RIMS2: variants seen among roughly 807,000 people sequenced by gnomAD.
RIMS2 encodes regulating synaptic membrane exocytosis 2, also known as regulating synaptic membrane exocytosis protein 2.
RIMS2 carries 59 observed loss-of-function variants against 174.4 expected under a neutral mutation model. That is an observed-to-expected ratio of 0.34 (90% confidence interval 0.27 to 0.42). The LOEUF is 0.42. Among genes scored for constraint, RIMS2 ranks in the 10% least tolerant of loss-of-function variants. The probability of loss-of-function intolerance (pLI) is 1.00; values close to 1 mark genes in which losing one functional copy is unlikely to be tolerated. For missense variants in RIMS2, 1,620 were observed against 1,666.3 expected, an observed-to-expected ratio of 0.97 and a Z score of 0.48; for synonymous variants, 606 against 572.5, an observed-to-expected ratio of 1.06 and a Z score of -0.84.
intron 19 of RIMS2, among the ~76,000 whole-genome samples, chr8:104,027,173 C>T (rs940210706): frequency 3.3e-5 from 5 of 151,994 alleles, no homozygotes; most frequent in East Asian, 1.9e-4. Context: ...TTCAGTCATC[C>T]GGTATTTGAT....
intron 1 of RIMS2, among the ~76,000 whole-genome samples, chr8:103,580,413 A>G (rs967978553): frequency 5.3e-5 from 8 of 149,704 alleles, no homozygotes; most frequent in African/African-American, 2.0e-4. Context: ...ACTACAAATC[A>G]AAGACTGTAA....
chr8:103,899,846 G>A (rs991638107), intron 4 of RIMS2, among the ~76,000 whole-genome samples: 1 of 151,676 alleles, frequency 6.6e-6, no homozygotes, highest in African/African-American at 2.4e-5. Context: ...GGTTTTTATG[G>A]TTTTAGGTCT....
chr8:103,913,532 T>C (rs751965838), intron 6 of RIMS2, among the ~76,000 whole-genome samples: 2 of 152,158 alleles, frequency 1.3e-5, no homozygotes, highest in Non-Finnish European at 2.9e-5. Flanking sequence ...TAGGTAGAAT[T>C]GGGCTGTGTA....
intron 1 of RIMS2, among the ~76,000 whole-genome samples, chr8:103,658,036 A>G (rs1165424278): frequency 6.6e-6 from 1 of 152,186 alleles, no homozygotes; most frequent in East Asian, 1.9e-4. Context: ...AGTTGCTTCT[A>G]CTGTAACTGC....
chr8:103,932,990 C>T (rs1164257070), intron 12 of RIMS2, among the ~76,000 whole-genome samples: 4 of 151,190 alleles, frequency 2.6e-5, no homozygotes, highest in African/African-American at 9.7e-5. Context: ...AACACTGTCT[C>T]TACTAAAAAT....
intron 3 of RIMS2, chr8:103,819,362 C>T: frequency 3.9e-6 from 6 of 1,530,814 alleles, no homozygotes; most frequent in Non-Finnish European, 5.2e-6. Flanking sequence ...CTATCAACCT[C>T]TGTTCATTTA....
intron 14 of RIMS2, among the ~76,000 whole-genome samples, chr8:103,958,300 G>T (rs2088329403): frequency 6.6e-6 from 1 of 152,098 alleles, no homozygotes; most frequent in Admixed American, 6.5e-5. Flanking sequence ...AACTAATGCA[G>T]GAACAGAAGA....
At chr8:103,937,592 G>A (rs940798280) in intron 13 of RIMS2, among the ~76,000 whole-genome samples, 2 of 152,144 alleles carry the variant, frequency 1.3e-5, no homozygotes, top group Non-Finnish European at 2.9e-5. Context: ...AATGCAATAG[G>A]AATACGTAAT....
At chr8:104,199,075 A>ATTTTG (rs2099040421) in intron 19 of RIMS2, among the ~76,000 whole-genome samples, 4 of 128,740 alleles carry the variant, frequency 3.1e-5, no homozygotes, top group Non-Finnish European at 6.6e-5. Context: ...ATTTTATTTT[A>ATTTTG]TTTTGAGACG....
chr8:104,230,750 G>A (rs1322231749), intron 19 of RIMS2, among the ~76,000 whole-genome samples: 4 of 152,160 alleles, frequency 2.6e-5, no homozygotes, highest in African/African-American at 7.2e-5. Context: ...GAAGTCGGAC[G>A]GGAATAAAAC....
intron 1 of RIMS2, among the ~76,000 whole-genome samples, chr8:103,612,683 A>G (rs2095410905): frequency 6.6e-6 from 1 of 151,918 alleles, no homozygotes; most frequent in Admixed American, 6.6e-5. Context: ...GGTTCAAGCA[A>G]TTTTCCTGCC....
intron 1 of RIMS2, among the ~76,000 whole-genome samples, chr8:103,569,826 A>G (rs1038179395): frequency 5.6e-5 from 8 of 143,998 alleles, no homozygotes; most frequent in Non-Finnish European, 9.1e-5. Context: ...GGGTCTTGCT[A>G]TGTCTGGTCT....
At chr8:104,121,949 GA>G (rs2098381533) in intron 19 of RIMS2, among the ~76,000 whole-genome samples, 2 of 152,064 alleles carry the variant, frequency 1.3e-5, no homozygotes, top group African/African-American at 4.8e-5. Flanking sequence ...CAACAAGAGT[GA>G]GACTCCATCT....
intron 1 of RIMS2, among the ~76,000 whole-genome samples, chr8:103,607,040 C>T (rs993633518): frequency 2.6e-5 from 4 of 151,458 alleles, no homozygotes; most frequent in Non-Finnish European, 2.9e-5. Flanking sequence ...CTGATCTTGT[C>T]GTTATGATGT....
At chr8:104,071,721 C>T (rs1285459275) in intron 19 of RIMS2, among the ~76,000 whole-genome samples, 2 of 152,116 alleles carry the variant, frequency 1.3e-5, no homozygotes, top group African/African-American at 4.8e-5. Context: ...CAGGCATGAG[C>T]CACCACGCCC....
At chr8:104,214,645 A>G (rs2099121723) in intron 19 of RIMS2, among the ~76,000 whole-genome samples, 1 of 152,106 alleles carries the variant, frequency 6.6e-6, no homozygotes, top group Non-Finnish European at 1.5e-5. Flanking sequence ...ACAGGGTTTC[A>G]CCATGTTGGC....
Position 103,918,128 on chromosome 8 carries a change from T to C in RIMS2, c.2037-313T>C, listed in dbSNP as rs188958095. On this transcript the variant is annotated intron_variant, in intron 8 of 23. Transcript: ENST00000504942. ...AATAAAAATGTATCTGTAAAACTTATCTTGTTGAATGCAAATTTTTTATAA... is the reference window on the plus strand; with the variant it reads ...AATAAAAATGTATCTGTAAAACTTACCTTGTTGAATGCAAATTTTTTATAA... Among the ~76,000 whole-genome samples, 13 of 152,312 alleles carry C rather than the reference T, an allele frequency of 8.5e-5. No homozygotes were observed. In the East Asian group the frequency reaches 2.1e-3, roughly 25 times the overall value.
At chr8:103,912,229 A>G in intron 6 of RIMS2, 57 bp downstream of exon 9, 1 of 1,388,666 alleles carries the variant, frequency 7.2e-7, no homozygotes, top group Non-Finnish European at 1.0e-6. Context: ...TTACCAGAAA[A>G]GCAAAGGATA....
chr8:104,066,478 A>G (rs13252107), intron 19 of RIMS2, among the ~76,000 whole-genome samples: 36,658 of 151,940 alleles, frequency 0.24, 4,693 homozygotes, highest in South Asian at 0.35. Flanking sequence ...TTCCAAACAC[A>G]CCTTATAGCT....
Sources: gnomAD v4.1 joint callset for allele counts (sites outside exome capture counted in the v4.1 genomes callset) on GRCh38, gnomAD v4.1.1 for gene constraint, MANE v1.5 for transcripts, NCBI Gene and HGNC (gene_info 2026-07-23, HGNC 2026-07-21) for gene names.